Variants in WDR87 observed in about 807,000 individuals in gnomAD.
WDR87 encodes the protein WD repeat domain 87.
A neutral mutation model predicts 83.3 loss-of-function variants in WDR87; 56 were observed. The ratio of observed to expected loss-of-function variants is 0.67; its 90% CI spans 0.54 to 0.84. The LOEUF (loss-of-function observed/expected upper bound fraction) is 0.84, where lower values mean the gene tolerates loss of function less well. Ranked by LOEUF, WDR87 falls within the 40% of genes least tolerant of loss-of-function variation. The probability of loss-of-function intolerance (pLI) is 0.00; values close to 1 mark genes in which losing one functional copy is unlikely to be tolerated. For synonymous variants in WDR87, 1,173 were observed against 1,250.6 expected (o/e 0.94, Z 1.31); for missense variants, 2,939 against 3,431.9 (o/e 0.86, Z 3.59).
In WDR87 at chr19:37,894,725, C is replaced by T; in HGVS notation, c.978G>A (p.Glu326=). 6.4e-7 allele frequency: 1 copy of T among 1,551,720 alleles called. No homozygotes were observed. The highest frequency in any genetic ancestry group is 8.7e-7 in the Non-Finnish European group (1 of 1,147,014). The change falls in exon 4 of 6, where the codon GAG becomes GAA. Residue 326 remains glutamate (E), a synonymous_variant. Transcript: ENST00000447313. Reference sequence around the variant, plus strand: ...TGTCAATAAACTGGAGCCGGTATAGCTCCTCACCAAGCTCTAGCCGCCGAA... The same window carrying T: ...TGTCAATAAACTGGAGCCGGTATAGTTCCTCACCAAGCTCTAGCCGCCGAA... ...SLLRRLELGE[E]LYRLQFIDSI... is the part of the protein sequence containing the mutation.
Position 37,894,998 on chromosome 19 carries a change from G to T in WDR87, c.705C>A (p.Phe235Leu), listed in dbSNP as rs1470664370. 1 of 1,551,670 alleles carries T rather than the reference G, an allele frequency of 6.4e-7. No homozygotes were observed. Among genetic ancestry groups the T allele is most frequent in the South Asian group, 1.2e-5 (1 of 84,062 alleles). The change falls in exon 4 of 6, where the codon TTC becomes TTA. Residue 235 changes from phenylalanine to leucine, a missense_variant. Phe to Leu is a conservative substitution (Grantham distance 22). Around this residue, in one of 3 missense-constraint regions of WDR87, gnomAD observed 226 missense variants for 320.9 expected, o/e 0.70. Transcript: ENST00000447313. ...GKGQLGEVKRFTSTSSGSSIT... is the reference protein window; with the variant it reads ...GKGQLGEVKRLTSTSSGSSIT... ...TGGAGGAGCCGCTGCTGGTGGACGT[G>T]AACCTCTTTACCTCTCCCAGCTGGC...
chr19:37,891,873 G>A (rs1007359900), intron 4 of WDR87, 53 bp from the exon 5 acceptor site: 28 of 1,524,582 alleles, frequency 1.8e-5, no homozygotes, highest in Admixed American at 4.3e-5. Flanking sequence ...ACAAAAGGGA[G>A]AATGGGAAGC....
In WDR87 at chr19:37,894,841, A is replaced by G. The variant is rs1453689748; in HGVS notation, c.862T>C (p.Cys288Arg). ...SFQAHQSGVI[C>R]IRSRPEAHTL... ...TGGGCCTCTGGTCGGCTGCGGATAC[A>G]GATCACTCCTGATTGATGGGCCTGG... The change falls in exon 4 of 6, where the codon TGT becomes CGT. Residue 288 changes from cysteine to arginine, a missense_variant. This residue lies in a region of WDR87 where 553 missense variants were observed against 577.9 expected (regional missense o/e 0.96). Transcript: ENST00000447313. The G allele has an allele frequency of 1.6e-5, 25 of 1,551,594 alleles. No homozygotes were observed. Among genetic ancestry groups the G allele is most frequent in the Non-Finnish European group, 1.9e-5 (22 of 1,147,006 alleles).
chr19:37,898,389 AAGTC>A, intron 1 of WDR87, 104 bp from the exon 2 acceptor site: 3 of 1,397,210 alleles, frequency 2.1e-6, no homozygotes, highest in Non-Finnish European at 2.8e-6. Flanking sequence ...CACCTTCTGA[AAGTC>A]AGGAACTGTG....
chr19:37,894,283 C>T lies in WDR87; in HGVS notation c.1420G>A (p.Glu474Lys). Residue 474 changes from glutamate to lysine, a missense_variant, in exon 4 of 6, where the codon GAG becomes AAG. Physicochemically the swap from Glu to Lys is moderately conservative, Grantham distance 56. Around this residue, in one of 3 missense-constraint regions of WDR87, gnomAD observed 553 missense variants for 577.9 expected, o/e 0.96. Transcript: ENST00000447313. ...YGHFNLGRGL[E>K]GLIFSGHQSG... ...TGGTGCCCAGAGAATATCAGTCCCT[C>T]TAGACCCCGCCCCAAGTTGAAATGC... is the stretch of plus-strand genomic sequence containing the variant. 1 of 1,551,772 alleles carries T rather than the reference C, an allele frequency of 6.4e-7. No individual in the cohort carries two copies. The highest frequency in any genetic ancestry group is 8.7e-7 in the Non-Finnish European group (1 of 1,147,008).
rs746739247 is a variant in WDR87, at chr19:37,893,929, AC to A, written c.1773del (p.Ser592HisfsTer5). 6.4e-7 allele frequency: 1 copy of A among 1,551,860 alleles called. No individual in the cohort carries two copies. Among genetic ancestry groups the A allele is most frequent in the South Asian group, 1.2e-5 (1 of 84,060 alleles). ...TCTATGAATTTCAAGCCATTCTGTG[AC>A]CCAGAGGACAGAAAATCATGGAACT... ...LWKFHDFLSS[G>X]SQNGLKFIET... is the part of the protein sequence containing the mutation. On this transcript the variant is annotated frameshift_variant, in exon 4 of 6. Coordinates refer to ENST00000447313, the MANE Select transcript of WDR87 (RefSeq NM_001291088.2). LOFTEE classifies it high-confidence loss of function.
intron 2 of WDR87, 110 bp downstream of exon 2, chr19:37,898,055 C>T (rs2046270006): frequency 7.7e-7 from 1 of 1,299,446 alleles, no homozygotes; most frequent in Admixed American, 2.1e-5. Flanking sequence ...ATAGTATACC[C>T]TGTTTGCTTC....
Position 37,886,757 on chromosome 19 carries a change from T to A in WDR87, c.6914A>T (p.Glu2305Val). 1 of 1,325,856 alleles carries A rather than the reference T, an allele frequency of 7.5e-7. No individual in the cohort carries two copies. Among genetic ancestry groups the A allele is most frequent in the Non-Finnish European group, 1.0e-6 (1 of 971,404 alleles). The allele number at this position is 1,325,856 out of a possible 1,614,324, so 82.1% of individuals were successfully genotyped here. Residue 2305 changes from glutamate to valine, a missense_variant, in exon 6 of 6, where the codon GAG (glutamate) becomes GTG (valine). Around this residue, in one of 3 missense-constraint regions of WDR87, gnomAD observed 2,160 missense variants for 2,533.1 expected, o/e 0.85. Transcript: ENST00000447313. ...TTCCTCCTCCTCCTTCCTTTCCTCC[T>A]CCTCCTCCCTTTCCTCCTCCTCCTC... The part of the protein sequence containing the change: ...EREEEEEREE[E>V]EERKEEEEGE...
chr19:37,895,343 G>T lies in WDR87; in HGVS notation c.360C>A (p.Ile120=). 6.4e-7 allele frequency: 1 copy of T among 1,551,762 alleles called. No individual in the cohort carries two copies. The change falls in exon 4 of 6, where the codon ATC becomes ATA. Residue 120 remains isoleucine (I), a synonymous_variant. Coordinates refer to ENST00000447313, the MANE Select transcript of WDR87 (RefSeq NM_001291088.2). The part of the protein sequence containing the change: ...QSMVHAGSFH[I]LVVYCGDLIL... ...TCAGGTCACCACAGTAGACCACGAGGATATGAAAGGAGCCTGCATGGACCA... is the reference window on the plus strand; with the variant it reads ...TCAGGTCACCACAGTAGACCACGAGTATATGAAAGGAGCCTGCATGGACCA...
chr19:37,894,244 T>C lies in WDR87; in HGVS notation c.1459A>G (p.Arg487Gly), dbSNP rs2046233729. 1 of 1,551,738 alleles carries C rather than the reference T, an allele frequency of 6.4e-7. No homozygotes were observed. The highest frequency in any genetic ancestry group is 2.0e-5 in the Admixed American group (1 of 50,986). Residue 487 changes from arginine to glycine, a missense_variant, in exon 4 of 6, where the codon AGA becomes GGA. By Grantham distance (125) the Arg-to-Gly change is moderately radical (BLOSUM62 -2). Around this residue, in one of 3 missense-constraint regions of WDR87, gnomAD observed 553 missense variants for 577.9 expected, o/e 0.96. Coordinates refer to ENST00000447313, the MANE Select transcript of WDR87 (RefSeq NM_001291088.2). ...IFSGHQSGVI[R>G]VLSQHSCARL... ...GCACAGCTGTGCTGGGAGAGCACTC[T>C]TATCACACCACTCTGGTGCCCAGAG...
Position 37,893,035 on chromosome 19 carries a change from T to C in WDR87, c.2668A>G (p.Arg890Gly), listed in dbSNP as rs2046220071. The C allele has an allele frequency of 6.4e-7, 1 of 1,551,636 alleles. No individual in the cohort carries two copies. Among genetic ancestry groups the C allele is most frequent in the Admixed American group, 2.0e-5 (1 of 50,986 alleles). ...CTGTAGGTTACATCCTTGGAAAGTCTCATTTCTAGGAAGTGTTCATCCTCC... is the reference window on the plus strand; with the variant it reads ...CTGTAGGTTACATCCTTGGAAAGTCCCATTTCTAGGAAGTGTTCATCCTCC... ...KEEDEHFLEM[R>G]LSKDVTYSVL... is the part of the protein sequence containing the mutation. Residue 890 changes from arginine (R) to glycine (G), a missense_variant, in exon 4 of 6, where the codon AGA (arginine) becomes GGA (glycine). Physicochemically the swap from Arg to Gly is moderately radical, Grantham distance 125. Coordinates refer to ENST00000447313, the MANE Select transcript of WDR87 (RefSeq NM_001291088.2).
Position 37,885,280 on chromosome 19 carries a change from C to T in WDR87, c.8391G>A (p.Met2797Ile). The change falls in exon 6 of 6, where the codon ATG becomes ATA. Residue 2797 changes from methionine (M) to isoleucine (I), a missense_variant. By Grantham distance (10) the Met-to-Ile change is conservative (BLOSUM62 1). Around this residue, in one of 3 missense-constraint regions of WDR87, gnomAD observed 2,160 missense variants for 2,533.1 expected, o/e 0.85. Coordinates refer to ENST00000447313, the MANE Select transcript of WDR87 (RefSeq NM_001291088.2). ...TGGGGGACTTAAGTTGGTACAGGTCCATGAGCTGGTAGAACTGTTCCATCC... is the reference window on the plus strand; with the variant it reads ...TGGGGGACTTAAGTTGGTACAGGTCTATGAGCTGGTAGAACTGTTCCATCC... ...TAWMEQFYQLMDLYQLKSPRI... is the reference protein window; with the variant it reads ...TAWMEQFYQLIDLYQLKSPRI... 1 of 1,543,044 alleles carries T rather than the reference C, an allele frequency of 6.5e-7. No homozygotes were observed. Among genetic ancestry groups the T allele is most frequent in the Admixed American group, 2.0e-5 (1 of 49,768 alleles).
Position 37,894,183 on chromosome 19 carries a change from AG to A in WDR87, c.1519del (p.Leu507TrpfsTer54), listed in dbSNP as rs1264520748. 2 of 1,552,196 alleles carry A rather than the reference AG, an allele frequency of 1.3e-6. No individual in the cohort carries two copies. Among genetic ancestry groups the A allele is most frequent in the Admixed American group, 3.9e-5 (2 of 50,984 alleles). On this transcript the variant is annotated frameshift_variant, in exon 4 of 6. Transcript: ENST00000447313. LOFTEE classifies it high-confidence loss of function. ...CCCTCCAGACAGCGTGGAGAGTGCCAGTACAGCGCCAAAGTGCATGAATTTT... is the reference window on the plus strand; with the variant it reads ...CCCTCCAGACAGCGTGGAGAGTGCCATACAGCGCCAAAGTGCATGAATTTT... ...LEKFMHFGAV[L>X]ALSTLSGGIF...
intron 1 of WDR87, among the ~76,000 whole-genome samples, chr19:37,904,395 G>A (rs1391430171): frequency 5.6e-5 from 8 of 143,684 alleles, no homozygotes; most frequent in African/African-American, 7.8e-5. Flanking sequence ...GTCTCTGTCT[G>A]TCGCCCAGGC....
Position 37,887,213 on chromosome 19 carries a change from T to G in WDR87, c.6458A>C (p.Glu2153Ala). Reference protein sequence around the residue: ...LFVKERRLSIEQSKLDIKEWD... With the variant: ...LFVKERRLSIAQSKLDIKEWD... ...CTCTTTGATATCCAGCTTACTCTGT[T>G]CTATACTCAACCTGCGCTCCTTAAC... Residue 2153 changes from glutamate (E) to alanine (A), a missense_variant, in exon 6 of 6, where the codon GAA (glutamate) becomes GCA (alanine). Physicochemically the swap from Glu to Ala is moderately radical, Grantham distance 107 (BLOSUM62 -1). Around this residue, in one of 3 missense-constraint regions of WDR87, gnomAD observed 2,160 missense variants for 2,533.1 expected, o/e 0.85. Transcript: ENST00000447313. The G allele has an allele frequency of 1.3e-6, 2 of 1,551,940 alleles. No individual in the cohort carries two copies. The highest frequency in any genetic ancestry group is 1.7e-6 in the Non-Finnish European group (2 of 1,147,072).
rs754639123 is a variant in WDR87 at position 37,893,092 on chromosome 19, T to C, written c.2611A>G (p.Ile871Val). ...FFFWHSRVRA[I>V]SNTEYPKNKE... ...TTCTTTGGATATTCTGTATTACTTA[T>C]AGCTCTTACCCTGCTGTGCCAGAAA... The change falls in exon 4 of 6, where the codon ATA becomes GTA. Residue 871 changes from isoleucine to valine, a missense_variant. Around this residue, in one of 3 missense-constraint regions of WDR87, gnomAD observed 2,160 missense variants for 2,533.1 expected, o/e 0.85. Coordinates refer to ENST00000447313, the MANE Select transcript of WDR87 (RefSeq NM_001291088.2). The C allele has an allele frequency of 3.4e-5, 52 of 1,551,672 alleles. No individual in the cohort carries two copies. Among genetic ancestry groups the C allele is most frequent in the Middle Eastern group, 1.7e-4 (1 of 6,014 alleles).
chr19:37,900,962 CAAAAA>C (rs878938966), intron 1 of WDR87, among the ~76,000 whole-genome samples: 2 of 29,512 alleles, frequency 6.8e-5, no homozygotes, highest in African/African-American at 9.0e-5. Flanking sequence ...CCTGTCTCTA[CAAAAA>C]AAAAAAAAAA....
At chr19:37,904,016 T>G (rs1324934795) in intron 1 of WDR87, among the ~76,000 whole-genome samples, 4 of 150,928 alleles carry the variant, frequency 2.7e-5, no homozygotes, top group Admixed American at 6.6e-5. Flanking sequence ...TCACGCCGTT[T>G]TCCTGCCTCA....
Position 37,893,974 on chromosome 19 carries a change from TTGTCTC to T in WDR87, c.1723_1728del (p.Glu575_Thr576del). The T allele has an allele frequency of 6.4e-7, 1 of 1,551,748 alleles. No homozygotes were observed. The highest frequency in any genetic ancestry group is 8.7e-7 in the Non-Finnish European group (1 of 1,147,008). ...TGGAACTTCCAGAGACGCAGGCAGT[TTGTCTC>T]TGTGATGGCACCCACAGACTTGGGC... On this transcript the variant is annotated inframe_deletion, in exon 4 of 6. Coordinates refer to ENST00000447313, the MANE Select transcript of WDR87 (RefSeq NM_001291088.2).
Sources: allele counts gnomAD v4.1 joint callset (sites outside exome capture counted in the v4.1 genomes callset), GRCh38; gene constraint gnomAD v4.1.1; regional missense constraint gnomAD v4.1.1; transcripts MANE v1.5; gene names NCBI Gene and HGNC (gene_info 2026-07-23, HGNC 2026-07-21).